Variants in HCRTR2 observed in about 807,000 individuals in gnomAD.
HCRTR2 encodes the protein orexin receptor type 2.
A neutral mutation model predicts 49.0 loss-of-function variants in HCRTR2; 22 were observed. The ratio of observed to expected loss-of-function variants is 0.45; its 90% confidence interval spans 0.32 to 0.64. HCRTR2 has a LOEUF of 0.64. Among genes scored for constraint, HCRTR2 ranks in the 30% least tolerant of loss-of-function variants. The pLI, the probability that HCRTR2 is intolerant of heterozygous loss-of-function variation, is 0.04. For synonymous variants in HCRTR2, 236 were observed against 205.3 expected, an observed-to-expected ratio of 1.15 and a Z score of -1.28; for missense variants, 491 against 559.4, an observed-to-expected ratio of 0.88 and a Z score of 1.23.
intron 1 of HCRTR2, among the ~76,000 whole-genome samples, chr6:55,155,415 T>C (rs920322253): frequency 2.0e-5 from 3 of 151,992 alleles, no homozygotes; most frequent in African/African-American, 7.2e-5. Flanking sequence ...GCCAAACTTG[T>C]ATTTAAATAG....
chr6:55,124,592 T>C (rs1764247831), intron 1 of HCRTR2, among the ~76,000 whole-genome samples: 1 of 152,196 alleles, frequency 6.6e-6, no homozygotes, highest in Non-Finnish European at 1.5e-5. Context: ...ATTCTGTTGA[T>C]TTGGGGTGGA....
chr6:55,238,830 G>C (rs933369780), intron 1 of HCRTR2, among the ~76,000 whole-genome samples: 5 of 152,168 alleles, frequency 3.3e-5, no homozygotes, highest in African/African-American at 9.6e-5. Context: ...GATATGCGGT[G>C]AAAGAGAAAA....
intron 1 of HCRTR2, among the ~76,000 whole-genome samples, chr6:55,228,700 A>G (rs914382226): frequency 1.3e-5 from 2 of 152,214 alleles, no homozygotes; most frequent in African/African-American, 4.8e-5. Context: ...TTAAGTACCA[A>G]GAAATTTCTT....
At chr6:55,153,699 T>G (rs1451326526) in intron 1 of HCRTR2, among the ~76,000 whole-genome samples, 1 of 151,924 alleles carries the variant, frequency 6.6e-6, no homozygotes, top group Non-Finnish European at 1.5e-5. Context: ...TCATTTGAGA[T>G]CCATACTGGT....
At chr6:55,146,597 CT>C (rs34067488) in intron 1 of HCRTR2, among the ~76,000 whole-genome samples, 27 of 144,704 alleles carry the variant, frequency 1.9e-4, no homozygotes, top group African/African-American at 4.0e-4. Context: ...AAAAAACAAG[CT>C]TTTTTTTTCT....
intron 1 of HCRTR2, among the ~76,000 whole-genome samples, chr6:55,155,136 T>G (rs1764713776): frequency 6.6e-6 from 1 of 151,834 alleles, no homozygotes; most frequent in Middle Eastern, 3.4e-3. Context: ...TATTGCTAAA[T>G]GTACATACTA....
chr6:55,113,846 C>G (rs1220836890), intron 1 of HCRTR2, among the ~76,000 whole-genome samples: 1 of 151,834 alleles, frequency 6.6e-6, no homozygotes, highest in African/African-American at 2.4e-5. Context: ...CTTGTGCATA[C>G]ATGTTTATGG....
At chr6:55,233,213 C>T (rs954764513) in intron 1 of HCRTR2, among the ~76,000 whole-genome samples, 5 of 151,902 alleles carry the variant, frequency 3.3e-5, no homozygotes, top group Non-Finnish European at 5.9e-5. Flanking sequence ...CTCGGCATCC[C>T]GAGTAGCTGG....
At chr6:55,280,884 CTT>C (rs1473730632) in intron 6 of HCRTR2, among the ~76,000 whole-genome samples, 1 of 152,102 alleles carries the variant, frequency 6.6e-6, no homozygotes, top group African/African-American at 2.4e-5. Context: ...AGTATCATCT[CTT>C]GGATTTATCT....
At chr6:55,121,257 A>T (rs1389890126) in intron 1 of HCRTR2, among the ~76,000 whole-genome samples, 6 of 152,104 alleles carry the variant, frequency 3.9e-5, no homozygotes, top group African/African-American at 9.7e-5. Flanking sequence ...GAGTTCACTC[A>T]TGATTTGGCT....
intron 1 of HCRTR2, among the ~76,000 whole-genome samples, chr6:55,178,186 G>T (rs1330183771): frequency 6.6e-6 from 1 of 152,024 alleles, no homozygotes; most frequent in Admixed American, 6.6e-5. Context: ...GACAATTGTA[G>T]GGAGAAATGT....
chr6:55,147,096 A>G (rs9396050), intron 1 of HCRTR2, among the ~76,000 whole-genome samples: 1 of 152,318 alleles, frequency 6.6e-6, no homozygotes, highest in East Asian at 1.9e-4. Context: ...AAACTATTAC[A>G]TACTTATTTT....
At chr6:55,224,608 A>G (rs958073533) in intron 1 of HCRTR2, among the ~76,000 whole-genome samples, 16 of 149,886 alleles carry the variant, frequency 1.1e-4, no homozygotes, top group Non-Finnish European at 2.1e-4. Context: ...GGGCTACAGA[A>G]CGAGACTCCG....
intron 4 of HCRTR2, among the ~76,000 whole-genome samples, chr6:55,267,906 G>A (rs757792345): frequency 6.6e-6 from 1 of 152,038 alleles, no homozygotes; most frequent in Non-Finnish European, 1.5e-5. Context: ...AAAATAAGGA[G>A]CACCAGTAAA....
At chr6:55,174,888 C>T (rs769661186) in intron 1 of HCRTR2, 78 bp downstream of exon 1, 2 of 1,083,742 alleles carry the variant, frequency 1.8e-6, no homozygotes, top group Non-Finnish European at 2.9e-6. Flanking sequence ...CTAAAGAGAC[C>T]CCTCCCTCCC....
intron 1 of HCRTR2, among the ~76,000 whole-genome samples, chr6:55,176,994 A>T (rs1002315881): frequency 5.3e-5 from 8 of 152,058 alleles, no homozygotes; most frequent in Non-Finnish European, 7.4e-5. Context: ...CTTTGTTGTT[A>T]TTGCATTTTT....
intron 1 of HCRTR2, among the ~76,000 whole-genome samples, chr6:55,215,536 A>G (rs1016732758): frequency 1.3e-5 from 2 of 152,202 alleles, no homozygotes; most frequent in Non-Finnish European, 2.9e-5. Flanking sequence ...ACAACGGGAT[A>G]TTATAATGGT....
At chr6:55,177,452 C>A (rs2127270798) in intron 1 of HCRTR2, among the ~76,000 whole-genome samples, 1 of 152,174 alleles carries the variant, frequency 6.6e-6, no homozygotes, top group Non-Finnish European at 1.5e-5. Flanking sequence ...TTCTTTGCCC[C>A]TCTGGTATAA....
intron 1 of HCRTR2, among the ~76,000 whole-genome samples, chr6:55,164,016 C>CA (rs1238994785): frequency 6.6e-5 from 10 of 151,512 alleles, no homozygotes; most frequent in South Asian, 2.1e-4. Context: ...AAGAAACATA[C>CA]AAAAAAAAGC....
Sources: allele counts gnomAD v4.1 joint callset (sites outside exome capture counted in the v4.1 genomes callset), GRCh38; gene constraint gnomAD v4.1.1; transcripts MANE v1.5; gene names NCBI Gene and HGNC (gene_info 2026-07-23, HGNC 2026-07-21).